Variants in SLC25A21 observed in about 807,000 individuals in gnomAD.
SLC25A21 encodes the protein solute carrier family 25 member 21.
SLC25A21 carries 47 observed loss-of-function variants against 43.8 expected under a neutral mutation model. That is an observed-to-expected ratio of 1.07 (90% CI 0.85 to 1.37). The LOEUF is 1.37. Among genes scored for constraint, SLC25A21 ranks in the 40% most tolerant of loss-of-function variants. The probability of loss-of-function intolerance (pLI) is 0.00; values close to 1 mark genes in which losing one functional copy is unlikely to be tolerated. For missense variants in SLC25A21, 352 were observed against 350.2 expected (o/e 1.00, Z -0.04); for synonymous variants, 131 against 121.3 (o/e 1.08, Z -0.52).
At chr14:37,068,737 C>G (rs1361207474) in intron 1 of SLC25A21, among the ~76,000 whole-genome samples, 2 of 152,100 alleles carry the variant, frequency 1.3e-5, no homozygotes, top group Admixed American at 1.3e-4. Flanking sequence ...TTATTAACAC[C>G]TGATATGTAC....
intron 1 of SLC25A21, among the ~76,000 whole-genome samples, chr14:37,157,395 C>T (rs1380650134): frequency 6.6e-6 from 1 of 152,022 alleles, no homozygotes; most frequent in East Asian, 1.9e-4. Context: ...CAAGTATCTT[C>T]TCAGACCACA....
intron 1 of SLC25A21, among the ~76,000 whole-genome samples, chr14:36,935,255 A>T (rs1480404776): frequency 1.3e-5 from 2 of 152,126 alleles, no homozygotes. Context: ...ATCTTGAATC[A>T]TCACTGAATT....
At chr14:37,137,285 C>A (rs999364361) in intron 1 of SLC25A21, among the ~76,000 whole-genome samples, 26 of 152,112 alleles carry the variant, frequency 1.7e-4, no homozygotes, top group African/African-American at 6.0e-4. Context: ...GCGTGAGCCA[C>A]CGCGCCCAGC....
chr14:36,815,035 T>A (rs181310915), intron 2 of SLC25A21, among the ~76,000 whole-genome samples: 2 of 152,312 alleles, frequency 1.3e-5, no homozygotes, highest in Non-Finnish European at 2.9e-5. Flanking sequence ...CGGATTAAGC[T>A]GGAAGCCATC....
intron 1 of SLC25A21, among the ~76,000 whole-genome samples, chr14:36,959,323 C>T (rs754851198): frequency 2.2e-4 from 34 of 152,140 alleles, no homozygotes; most frequent in Non-Finnish European, 4.7e-4. Context: ...ATCTTACTCA[C>T]TCAAATCAGG....
chr14:37,015,403 G>T (rs1960830704), intron 1 of SLC25A21, among the ~76,000 whole-genome samples: 1 of 151,838 alleles, frequency 6.6e-6, no homozygotes, highest in Admixed American at 6.6e-5. Flanking sequence ...AGTATTCCAT[G>T]GTGTATATAT....
intron 3 of SLC25A21, among the ~76,000 whole-genome samples, chr14:36,784,795 C>T (rs145899383): frequency 6.6e-6 from 1 of 152,164 alleles, no homozygotes; most frequent in Admixed American, 6.5e-5. Context: ...CAGACACTTG[C>T]TATCTTACTC....
At chr14:36,848,874 C>T (rs1291501632) in intron 2 of SLC25A21, among the ~76,000 whole-genome samples, 1 of 152,158 alleles carries the variant, frequency 6.6e-6, no homozygotes, top group Non-Finnish European at 1.5e-5. Context: ...CTAAAATCCA[C>T]TCTGTTTTGG....
At chr14:37,052,120 C>T (rs1304397984) in intron 1 of SLC25A21, among the ~76,000 whole-genome samples, 1 of 152,140 alleles carries the variant, frequency 6.6e-6, no homozygotes, top group African/African-American at 2.4e-5. Flanking sequence ...TTCAAAAAGG[C>T]AAGTTATATG....
intron 1 of SLC25A21, among the ~76,000 whole-genome samples, chr14:37,025,956 A>C (rs1034042224): frequency 2.0e-5 from 3 of 152,176 alleles, no homozygotes; most frequent in Admixed American, 6.6e-5. Flanking sequence ...AAAAAGCCCT[A>C]GACCAGGCAT....
Position 37,057,503 on chromosome 14 carries a change from T to G in SLC25A21, c.70+114778A>C, listed in dbSNP as rs150465408. Among the ~76,000 whole-genome samples, 383 of 152,316 alleles carry G rather than the reference T, an allele frequency of 2.5e-3. 1 individual carries two copies. Among genetic ancestry groups the G allele is most frequent in the African/African-American group, 9.0e-3 (376 of 41,572 alleles). On this transcript the variant is annotated intron_variant, in intron 1 of 9. Transcript: ENST00000331299. ...TACCCTCAACCAAAAAGTGACTGGA[T>G]CTGAAAATCGTGTGAAATTCTCCCA...
chr14:36,989,957 TA>T, intron 1 of SLC25A21, among the ~76,000 whole-genome samples: 1 of 152,350 alleles, frequency 6.6e-6, no homozygotes, highest in African/African-American at 2.4e-5. Context: ...ATATTTATCT[TA>T]AACCTCCTTC....
chr14:36,849,282 C>T (rs961065732), intron 2 of SLC25A21, among the ~76,000 whole-genome samples: 4 of 152,066 alleles, frequency 2.6e-5, no homozygotes, highest in African/African-American at 7.2e-5. Context: ...TCGCTTGATA[C>T]GAAGAGGACT....
At chr14:37,074,624 T>C (rs975862504) in intron 1 of SLC25A21, among the ~76,000 whole-genome samples, 2 of 151,970 alleles carry the variant, frequency 1.3e-5, no homozygotes, top group Non-Finnish European at 2.9e-5. Flanking sequence ...CTGAGGTCAG[T>C]AGTTCGAGAC....
intron 3 of SLC25A21, chr14:36,806,880 C>T (rs1888059197): frequency 6.6e-6 from 1 of 152,194 alleles, no homozygotes; most frequent in South Asian, 2.1e-4. Context: ...CATGGCTGAA[C>T]TCTGGCAGTG....
intron 1 of SLC25A21, among the ~76,000 whole-genome samples, chr14:36,889,559 T>C (rs1387010075): frequency 6.6e-6 from 1 of 152,190 alleles, no homozygotes; most frequent in East Asian, 1.9e-4. Context: ...CAATCATAGC[T>C]CACTGCAGCC....
chr14:36,790,985 TC>T (rs1887465781), intron 3 of SLC25A21, among the ~76,000 whole-genome samples: 1 of 106,818 alleles, frequency 9.4e-6, no homozygotes, highest in African/African-American at 3.0e-5. Context: ...AAAATATCTT[TC>T]TTTTTTTATT....
rs1882115686 is a variant in SLC25A21 at position 36,679,750 on chromosome 14, T to C, written c.*908A>G. The stretch of plus-strand genomic sequence containing the variant: ...TTCCTAAAAATGGCACAGGTAGGCA[T>C]GCTGAATAAAGGTATTTGGATGCAA... On this transcript the variant is annotated 3_prime_UTR_variant, in exon 10 of 10. Transcript: ENST00000331299. The C allele has an allele frequency of 1.0e-6, 1 of 985,336 alleles. No homozygotes were observed. Among genetic ancestry groups the C allele is most frequent in the Non-Finnish European group, 1.2e-6 (1 of 829,932 alleles). The allele number at this position is 985,336 out of a possible 1,614,324, so 61.0% of individuals were successfully genotyped here. A position where few individuals can be genotyped will look rare whatever the true frequency, so the allele number is the denominator to read the frequency against.
chr14:36,869,284 C>T (rs1305585730), intron 2 of SLC25A21, among the ~76,000 whole-genome samples: 1 of 152,112 alleles, frequency 6.6e-6, no homozygotes, highest in African/African-American at 2.4e-5. Context: ...GGTGTATTCT[C>T]CTGATTGGGC....
Sources: allele counts gnomAD v4.1 joint callset (sites outside exome capture counted in the v4.1 genomes callset), GRCh38; gene constraint gnomAD v4.1.1; transcripts MANE v1.5; gene names NCBI Gene and HGNC (gene_info 2026-07-23, HGNC 2026-07-21).